MGA: variants seen among roughly 807,000 people sequenced by gnomAD.
MGA encodes MAX gene-associated protein.
In MGA, 40 loss-of-function variants were observed where a neutral mutation model predicts 261.1. That is an observed-to-expected ratio of 0.15 (90% CI 0.12 to 0.20). The LOEUF (loss-of-function observed/expected upper bound fraction) is 0.20, where lower values mean the gene tolerates loss of function less well. MGA is among the 10% of genes least tolerant of loss of function. The probability of loss-of-function intolerance (pLI) is 1.00; values close to 1 mark genes in which losing one functional copy is unlikely to be tolerated. For missense variants in MGA, 3,397 were observed against 3,630.5 expected, an observed-to-expected ratio of 0.94 and a Z score of 1.65; for synonymous variants, 1,302 against 1,290.6, an observed-to-expected ratio of 1.01 and a Z score of -0.19.
intron 18 of MGA, among the ~76,000 whole-genome samples, chr15:41,756,824 C>T (rs903718742): frequency 1.1e-4 from 16 of 152,096 alleles, no homozygotes; most frequent in African/African-American, 3.6e-4. Flanking sequence ...GAACTCCTGG[C>T]CTCAACCAGT....
upstream of MGA, among the ~76,000 whole-genome samples, chr15:41,659,376 A>G (rs1012308840): frequency 3.0e-4 from 46 of 152,172 alleles, no homozygotes; most frequent in African/African-American, 1.1e-3. Flanking sequence ...ATTGTCACAT[A>G]GCATGTCACG....
intron 5 of MGA, among the ~76,000 whole-genome samples, chr15:41,699,857 T>C (rs540525214): frequency 2.6e-5 from 4 of 152,138 alleles, no homozygotes; most frequent in Non-Finnish European, 5.9e-5. Context: ...TTCTGTCTCA[T>C]GTTTTGGCTG....
Position 41,749,949 on chromosome 15 carries a change from G to A in MGA, c.6342G>A (p.Val2114=). 6.2e-7 allele frequency: 1 copy of A among 1,613,566 alleles called. No individual in the cohort carries two copies. The change falls in exon 17 of 24, where the codon GTG becomes GTA. Residue 2114 remains valine, a synonymous_variant. Transcript: ENST00000219905. ...ATCAAAAACTTGGTGATGTGAAGGT[G>A]GAACAGCAGAAAGGATTTGACAATC...
chr15:41,730,912 G>T (rs994668872), intron 11 of MGA, among the ~76,000 whole-genome samples: 1 of 152,150 alleles, frequency 6.6e-6, no homozygotes, highest in Admixed American at 6.5e-5. Flanking sequence ...TAAACGCTGA[G>T]GCTGTGAAAA....
At chr15:41,652,389 C>T (rs866479358) in intron 1 of MGA, among the ~76,000 whole-genome samples, 71 of 150,156 alleles carry the variant, frequency 4.7e-4, no homozygotes, top group Middle Eastern at 3.2e-3. Context: ...CTCCTTTCCC[C>T]GCCTTTCACT....
intron 9 of MGA, among the ~76,000 whole-genome samples, chr15:41,719,611 A>G (rs368953361): frequency 6.6e-6 from 1 of 152,034 alleles, no homozygotes; most frequent in Admixed American, 6.6e-5. Flanking sequence ...GTGTGGTGGT[A>G]TGCACCTGTA....
intron 22 of MGA, 52 bp downstream of exon 22, chr15:41,762,414 T>A: frequency 2.3e-6 from 3 of 1,307,924 alleles, no homozygotes; most frequent in Non-Finnish European, 3.2e-6. Context: ...TCAGTTGACT[T>A]TAGTGGACTG....
At chr15:41,703,052 T>G (rs911061195) in intron 5 of MGA, among the ~76,000 whole-genome samples, 5 of 152,216 alleles carry the variant, frequency 3.3e-5, no homozygotes, top group Non-Finnish European at 7.3e-5. Flanking sequence ...ATATTACTAT[T>G]TAAAGTTCAT....
intron 13 of MGA, among the ~76,000 whole-genome samples, chr15:41,738,088 G>A (rs1399744035): frequency 1.3e-5 from 2 of 151,958 alleles, no homozygotes; most frequent in Admixed American, 1.3e-4. Context: ...AAGTCACTAA[G>A]GACTTCTCCA....
Position 41,669,018 on chromosome 15 carries a change from G to C in MGA, c.124G>C (p.Val42Leu), listed in dbSNP as rs746292942. The C allele has an allele frequency of 1.9e-5, 30 of 1,613,598 alleles. No homozygotes were observed. The highest frequency in any genetic ancestry group is 2.5e-5 in the Non-Finnish European group (30 of 1,179,564). ...TGGCAAAACTGATCAAGGAATTTTG[G>C]TTACTAATCAGGATGCCTGTGCTTT... The change falls in exon 2 of 24, where the codon GTT becomes CTT. Residue 42 changes from valine (V) to leucine (L), a missense_variant. Transcript: ENST00000219905.
At chr15:41,627,632 T>G (rs1324428294) in intron 1 of MGA, among the ~76,000 whole-genome samples, 1 of 152,258 alleles carries the variant, frequency 6.6e-6, no homozygotes, top group East Asian at 1.9e-4. Context: ...CTGTTGATAT[T>G]CTACACATGT....
rs1206441838 is a variant in MGA at position 41,749,163 on chromosome 15, G to A, written c.5556G>A (p.Pro1852=). The change falls in exon 17 of 24, where the codon CCG becomes CCA. Residue 1852 remains proline, a synonymous_variant. Coordinates refer to ENST00000219905, the MANE Select transcript of MGA (RefSeq NM_001164273.2). ...CTCCTTCCAAACCCTCTGAGACTCC[G>A]CCATCTTCCACTTCGTCCTCTGCTT... 45 of 1,613,802 alleles carry A rather than the reference G, an allele frequency of 2.8e-5. No homozygotes were observed. The highest frequency in any genetic ancestry group is 3.6e-5 in the Non-Finnish European group (42 of 1,179,886).
At position 41,629,213 on chromosome 15, in the gene MGA, G is replaced by A. The variant is rs191927544; in HGVS notation, c.-68+7915G>A. ...GCAGTGAGAAGTCATTGAATTCAGGGCATGTTTTCAAGGTAGAACCAACAG... is the reference window on the plus strand; with the variant it reads ...GCAGTGAGAAGTCATTGAATTCAGGACATGTTTTCAAGGTAGAACCAACAG... On this transcript the variant is annotated intron_variant, in intron 1 of 8. Coordinates refer to the MGA transcript ENST00000566718. Among the ~76,000 whole-genome samples the A allele has an allele frequency of 1.3e-3, 204 of 152,164 alleles. 4 individuals are homozygous for A. The highest frequency in any genetic ancestry group is 0.012 in the Admixed American group (179 of 15,258).
intron 1 of MGA, among the ~76,000 whole-genome samples, chr15:41,660,808 C>T (rs1367683925): frequency 2.0e-5 from 3 of 152,148 alleles, no homozygotes; most frequent in African/African-American, 7.2e-5. Flanking sequence ...GGCCACGAGG[C>T]GGGAGGGGTG....
chr15:41,674,600 A>G (rs761078729), intron 2 of MGA, among the ~76,000 whole-genome samples: 2 of 151,712 alleles, frequency 1.3e-5, no homozygotes, highest in African/African-American at 4.9e-5. Context: ...GCTCACTGCA[A>G]CCTCCGCCTC....
intron 2 of MGA, among the ~76,000 whole-genome samples, chr15:41,678,942 A>G (rs1459795536): frequency 1.3e-5 from 2 of 152,222 alleles, no homozygotes; most frequent in African/African-American, 4.8e-5. Context: ...TTTGATTACT[A>G]GACATTTTCA....
intron 2 of MGA, among the ~76,000 whole-genome samples, chr15:41,670,176 A>G (rs1022682026): frequency 6.6e-6 from 1 of 152,210 alleles, no homozygotes; most frequent in African/African-American, 2.4e-5. Flanking sequence ...CAAATTGGAT[A>G]ACTTATCAGA....
Position 41,668,918 on chromosome 15 carries a change from A to G in MGA, c.24A>G (p.Ile8Met), listed in dbSNP as rs1308591657. The G allele has an allele frequency of 7.0e-6, 11 of 1,582,130 alleles. No individual in the cohort carries two copies. Among genetic ancestry groups the G allele is most frequent in the East Asian group, 2.3e-5 (1 of 44,310 alleles). The change falls in exon 2 of 24, where the codon ATA becomes ATG. Residue 8 changes from isoleucine to methionine, a missense_variant. Transcript: ENST00000219905. ...TCATGGAGGAGAAACAGCAGATTAT[A>G]TTGGCTAATCAAGATGGTGGAACAG...
At chr15:41,687,936 G>A (rs1354010957) in intron 2 of MGA, among the ~76,000 whole-genome samples, 1 of 151,920 alleles carries the variant, frequency 6.6e-6, no homozygotes, top group African/African-American at 2.4e-5. Context: ...GGATTTGTCT[G>A]TTTCTCTTTT....
Sources: allele counts gnomAD v4.1 joint callset (sites outside exome capture counted in the v4.1 genomes callset), GRCh38; gene constraint gnomAD v4.1.1; transcripts MANE v1.5; gene names NCBI Gene and HGNC (gene_info 2026-07-23, HGNC 2026-07-21).